SNAP47: variants seen among roughly 807,000 people sequenced by gnomAD.
SNAP47 encodes synaptosome associated protein 47, also known as synaptosomal-associated protein 47.
In SNAP47, 20 loss-of-function variants were observed where a neutral mutation model predicts 31.4. The ratio of observed to expected loss-of-function variants is 0.64; its 90% CI spans 0.45 to 0.93. SNAP47 has a LOEUF of 0.93. Ranked by LOEUF, SNAP47 falls within the 40% of genes least tolerant of loss-of-function variation. The pLI is 0.00. For missense variants in SNAP47, 492 were observed against 528.5 expected, an observed-to-expected ratio of 0.93 and a Z score of 0.68; for synonymous variants, 194 against 213.4, an observed-to-expected ratio of 0.91 and a Z score of 0.79.
At chr1:227,746,956 T>C (rs1662001811) in intron 1 of SNAP47, 1 of 152,252 alleles carries the variant, frequency 6.6e-6, no homozygotes, top group African/African-American at 2.4e-5. Flanking sequence ...GGGCTGCATG[T>C]TCCATGAGGA....
intron 1 of SNAP47, among the ~76,000 whole-genome samples, chr1:227,744,512 A>G (rs146978935): frequency 6.6e-6 from 1 of 152,076 alleles, no homozygotes; most frequent in Non-Finnish European, 1.5e-5. Flanking sequence ...TTACTTTTGT[A>G]TATATTGAGC....
chr1:227,736,837 G>T (rs1661236089), intron 1 of SNAP47, among the ~76,000 whole-genome samples: 1 of 151,872 alleles, frequency 6.6e-6, no homozygotes, highest in Non-Finnish European at 1.5e-5. Flanking sequence ...TAGAGGTTTT[G>T]TTAGGGGAAC....
At chr1:227,754,098 A>G (rs1035079320) in intron 2 of SNAP47, among the ~76,000 whole-genome samples, 4 of 152,216 alleles carry the variant, frequency 2.6e-5, no homozygotes, top group African/African-American at 9.6e-5. Context: ...ATTGAGTGGA[A>G]GTAGCTCTCA....
chr1:227,750,736 G>T (rs1662294477), intron 2 of SNAP47, among the ~76,000 whole-genome samples: 1 of 152,230 alleles, frequency 6.6e-6, no homozygotes, highest in South Asian at 2.1e-4. Context: ...GTCCTGGAGG[G>T]GAGGCTGTGG....
At chr1:227,734,995 T>A, upstream of SNAP47, 1 of 1,514,494 alleles carries the variant, frequency 6.6e-7, no homozygotes, top group Non-Finnish European at 8.8e-7. Flanking sequence ...GCCCGGGGTC[T>A]GCGGCCGCCG....
intron 4 of SNAP47, 82 bp downstream of exon 4, chr1:227,767,165 A>G (rs908060889): frequency 2.2e-5 from 34 of 1,563,380 alleles, no homozygotes; most frequent in Non-Finnish European, 2.7e-5. Flanking sequence ...TCTGATCACA[A>G]ACAAGCTCTG....
chr1:227,779,481 C>T (rs1033010125), intron 4 of SNAP47, among the ~76,000 whole-genome samples: 1 of 152,184 alleles, frequency 6.6e-6, no homozygotes, highest in Non-Finnish European at 1.5e-5. Flanking sequence ...CTCAAGATCA[C>T]CACGCCCTAG....
intron 2 of SNAP47, among the ~76,000 whole-genome samples, chr1:227,754,488 C>T (rs549353119): frequency 1.3e-5 from 2 of 152,332 alleles, no homozygotes; most frequent in East Asian, 3.9e-4. Flanking sequence ...CCACGCCCTC[C>T]TCTACCCAGC....
intron 3 of SNAP47, among the ~76,000 whole-genome samples, chr1:227,765,166 G>A (rs1293172166): frequency 6.6e-6 from 1 of 152,202 alleles, no homozygotes; most frequent in Non-Finnish European, 1.5e-5. Flanking sequence ...CCAGCACATA[G>A]CAGGCTTATA....
intron 2 of SNAP47, among the ~76,000 whole-genome samples, chr1:227,755,664 G>A (rs778704940): frequency 5.9e-5 from 9 of 152,192 alleles, no homozygotes; most frequent in East Asian, 1.9e-4. Context: ...GATTATAGGC[G>A]TGAGCCACCA....
chr1:227,758,918 A>G (rs143944780), intron 2 of SNAP47, 77 bp from the exon 3 acceptor site: 47 of 1,506,266 alleles, frequency 3.1e-5, no homozygotes, highest in Middle Eastern at 3.8e-4. Flanking sequence ...AAAGGTTAAA[A>G]CCGTTTTCCA....
intron 4 of SNAP47, chr1:227,770,556 G>C (rs1663736230): frequency 6.5e-6 from 1 of 154,746 alleles, no homozygotes; most frequent in Non-Finnish European, 1.5e-5. Flanking sequence ...CTTTCCTTTT[G>C]TTTCTCTTTT....
In SNAP47 at chr1:227,747,811, A is replaced by G; in HGVS notation, c.75A>G (p.Gly25=). 1.2e-6 allele frequency: 2 copies of G among 1,614,186 alleles called. No individual in the cohort carries two copies. Among genetic ancestry groups the G allele is most frequent in the Non-Finnish European group, 1.7e-6 (2 of 1,180,022 alleles). Residue 25 remains glycine (G), a synonymous_variant, in exon 2 of 5, where the codon GGA becomes GGG. Coordinates refer to ENST00000617596, the MANE Select transcript of SNAP47 (RefSeq NM_053052.4). ...YLEPKRRWVT[G]QLSLTSLSLR... is the part of the protein sequence containing the mutation. ...AGCCCAAGAGGCGATGGGTTACTGG[A>G]CAGCTGTCCTTAACATCGCTGTCGC...
intron 1 of SNAP47, chr1:227,744,250 G>A (rs1417180135): frequency 2.6e-5 from 4 of 151,978 alleles, no homozygotes; most frequent in African/African-American, 2.4e-5. Flanking sequence ...AGGATGTGGC[G>A]GGCTGGCTGT....
intron 4 of SNAP47, chr1:227,768,242 C>T (rs968264840): frequency 1.9e-5 from 19 of 983,940 alleles, no homozygotes; most frequent in Non-Finnish European, 2.3e-5. Flanking sequence ...CTCGTCTTCC[C>T]CTACAGTTGA....
In SNAP47 at chr1:227,760,704, G is replaced by A. The variant is rs538845569; in HGVS notation, c.988+1219G>A. Among the ~76,000 whole-genome samples the A allele has an allele frequency of 5.3e-5, 8 of 152,318 alleles. No homozygotes were observed. The South Asian group carries it at 8.3e-4, about 16-fold the overall frequency. On this transcript the variant is annotated intron_variant, in intron 3 of 4. Coordinates refer to ENST00000617596, the MANE Select transcript of SNAP47 (RefSeq NM_053052.4). ...GGTTAGGAGGTGGGGCCTCTGATGC[G>A]TTGTATTTGTTTTGGCCCTGCAGGT...
chr1:227,738,280 T>G lies in SNAP47; in HGVS notation c.-46+2781T>G, dbSNP rs1661363860. On this transcript the variant is annotated intron_variant, in intron 1 of 4. Coordinates refer to ENST00000617596, the MANE Select transcript of SNAP47 (RefSeq NM_053052.4). ...TGGTCTCGAACTCCTGACCTTGTGA[T>G]CTGCCCGACTCGGCCTCCCAAAGTG... Among the ~76,000 whole-genome samples, 3 of 152,270 alleles carry G rather than the reference T, an allele frequency of 2.0e-5. No homozygotes were observed. The South Asian group carries it at 6.2e-4, about 32-fold the overall frequency.
At chr1:227,767,507 C>T (rs1419307753) in intron 4 of SNAP47, among the ~76,000 whole-genome samples, 2 of 151,972 alleles carry the variant, frequency 1.3e-5, no homozygotes, top group African/African-American at 2.4e-5. Context: ...TGTACTTGTA[C>T]TGTGTATGTG....
At chr1:227,776,156 G>T (rs529423918) in intron 4 of SNAP47, 6 of 1,159,566 alleles carry the variant, frequency 5.2e-6, no homozygotes, top group East Asian at 6.0e-5. Flanking sequence ...CCCACAAGCC[G>T]CTCAGGACCA....
Sources: gnomAD v4.1 joint callset for allele counts (sites outside exome capture counted in the v4.1 genomes callset) on GRCh38, gnomAD v4.1.1 for gene constraint, MANE v1.5 for transcripts, NCBI Gene and HGNC (gene_info 2026-07-23, HGNC 2026-07-21) for gene names.